Variants in ZNF480 observed in about 807,000 individuals in gnomAD.
ZNF480 encodes the protein zinc finger protein 480.
In ZNF480, 15 loss-of-function variants were observed where a neutral mutation model predicts 14.4. The ratio of observed to expected loss-of-function variants is 1.04; its 90% CI spans 0.70 to 1.60. The LOEUF (loss-of-function observed/expected upper bound fraction) is 1.60. Among genes scored for constraint, ZNF480 ranks in the 40% most tolerant of loss-of-function variants. The probability of loss-of-function intolerance (pLI) is 0.00; values close to 1 mark genes in which losing one functional copy is unlikely to be tolerated. For missense variants in ZNF480, 593 were observed against 629.7 expected, an observed-to-expected ratio of 0.94 and a Z score of 0.62; for synonymous variants, 218 against 215.5, an observed-to-expected ratio of 1.01 and a Z score of -0.10.
At chr19:52,314,410 C>A in intron 3 of ZNF480, 131 bp downstream of exon 3, 1 of 814,568 alleles carries the variant, frequency 1.2e-6, no homozygotes, top group Non-Finnish European at 1.6e-6. Flanking sequence ...ACCTGGGAGG[C>A]AGAGGTTTTG....
At position 52,300,578 on chromosome 19, in the gene ZNF480, T is replaced by C. The variant is rs1020926421; in HGVS notation, c.72+94T>C. 3.1e-6 allele frequency: 5 copies of C among 1,587,972 alleles called. No individual in the cohort carries two copies. In the African/African-American group the frequency reaches 6.7e-5, roughly 21 times the overall value. ...AGTCTTCTCTGAGTCTGAAGTGTCC[T>C]GCCTGACAGGTTTGCTCACGCTTAC... On this transcript the variant is annotated intron_variant, in intron 2 of 4. Coordinates refer to ENST00000595962, the MANE Select transcript of ZNF480 (RefSeq NM_144684.4).
rs766936668 is a variant in ZNF480 at position 52,321,820 on chromosome 19, C to T, written c.570C>T (p.Leu190=). 2 of 1,613,860 alleles carry T rather than the reference C, an allele frequency of 1.2e-6. No individual in the cohort carries two copies. The highest frequency in any genetic ancestry group is 1.7e-6 in the Non-Finnish European group (2 of 1,179,896). ...NRNDFDDSSF[L]PQEQKVHLRE... ...ATGATTTTGATGATTCTTCATTTCT[C>T]CCACAAGAACAGAAAGTACACCTTA... Residue 190 remains leucine, a synonymous_variant, in exon 5 of 5, where the codon CTC becomes CTT. Transcript: ENST00000595962.
intron 3 of ZNF480, 135 bp downstream of exon 3, chr19:52,314,414 G>GATTGCA: frequency 1.4e-6 from 1 of 725,280 alleles, no homozygotes; most frequent in Non-Finnish European, 1.8e-6. Context: ...GGGAGGCAGA[G>GATTGCA]GTTTTGGTGA....
At chr19:52,300,926 T>C (rs1238433294) in intron 2 of ZNF480, 2 of 189,604 alleles carry the variant, frequency 1.1e-5, no homozygotes, top group Non-Finnish European at 1.1e-5. Flanking sequence ...ACTCATGCTA[T>C]TGTTTGTGGT....
chr19:52,297,405 C>T, intron 1 of ZNF480, among the ~76,000 whole-genome samples, 182 bp downstream of exon 1: 1 of 151,674 alleles, frequency 6.6e-6, no homozygotes, highest in Non-Finnish European at 1.5e-5. Context: ...CGCTCGGCGG[C>T]GGGTCCTGTC....
intron 2 of ZNF480, chr19:52,308,802 T>C (rs1600215842): frequency 3.5e-5 from 1 of 28,310 alleles, no homozygotes; most frequent in African/African-American, 8.8e-5. Context: ...TTGGAGCAGA[T>C]TTTTTTTTTT....
At chr19:52,312,956 G>T (rs1983360309) in intron 2 of ZNF480, among the ~76,000 whole-genome samples, 1 of 151,922 alleles carries the variant, frequency 6.6e-6, no homozygotes, top group African/African-American at 2.4e-5. Context: ...GAGTAACTGG[G>T]ATTACAGGCA....
intron 1 of ZNF480, among the ~76,000 whole-genome samples, chr19:52,299,513 C>G (rs773303803): frequency 6.6e-6 from 1 of 152,178 alleles, no homozygotes; most frequent in Non-Finnish European, 1.5e-5. Flanking sequence ...ATTCCCTTGA[C>G]CCTTTGCTCA....
At chr19:52,310,389 A>C (rs1013637146) in intron 2 of ZNF480, among the ~76,000 whole-genome samples, 1 of 152,180 alleles carries the variant, frequency 6.6e-6, no homozygotes, top group African/African-American at 2.4e-5. Context: ...AATATGTTAA[A>C]ATGACATTCT....
chr19:52,322,481 C>G lies in ZNF480; in HGVS notation c.1231C>G (p.Leu411Val), dbSNP rs1004498046. The stretch of plus-strand genomic sequence containing the variant: ...TGAATGTGGAAAAGTATTTAATCAA[C>G]TTTCAAATCTTGCACGACATCGAAG... ...CNECGKVFNQ[L>V]SNLARHRRIH... The change falls in exon 5 of 5, where the codon CTT becomes GTT. Residue 411 changes from leucine (L) to valine (V), a missense_variant. Coordinates refer to ENST00000595962, the MANE Select transcript of ZNF480 (RefSeq NM_144684.4). 3 of 1,612,558 alleles carry G rather than the reference C, an allele frequency of 1.9e-6. No homozygotes were observed. The highest frequency in any genetic ancestry group is 1.3e-5 in the African/African-American group (1 of 74,526).
At position 52,303,379 on chromosome 19, in the gene ZNF480, A is replaced by G. The variant is rs533136386; in HGVS notation, c.72+2895A>G. On this transcript the variant is annotated intron_variant, in intron 2 of 4. Transcript: ENST00000595962. Reference sequence around the variant, plus strand: ...AATCAGCTAAGTGGTTTTGCTAAGTAAGATGATTTATAAAGGATTGTTGTA... The same window carrying G: ...AATCAGCTAAGTGGTTTTGCTAAGTGAGATGATTTATAAAGGATTGTTGTA... 1.1e-3 allele frequency among the ~76,000 whole-genome samples: 174 copies of G among 152,322 alleles called. 3 individuals carry two copies. The South Asian group carries it at 0.012, about 11-fold the overall frequency.
In ZNF480 at chr19:52,323,565, A is replaced by G. The variant is rs1983951463; in HGVS notation, c.*707A>G. Reference sequence around the variant, plus strand: ...AAAATCCTCAGCAAAATACTAGTAAACCAAATCCATCTGCACATCAAAAAG... The same window carrying G: ...AAAATCCTCAGCAAAATACTAGTAAGCCAAATCCATCTGCACATCAAAAAG... On this transcript the variant is annotated 3_prime_UTR_variant, in exon 5 of 5. Transcript: ENST00000595962. 6.6e-6 allele frequency: 1 copy of G among 152,122 alleles called. No individual in the cohort carries two copies. The highest frequency in any genetic ancestry group is 1.5e-5 in the Non-Finnish European group (1 of 68,020). The allele number at this position is 152,122 out of a possible 1,614,324, so 9.4% of individuals were successfully genotyped here.
intron 2 of ZNF480, among the ~76,000 whole-genome samples, chr19:52,305,572 C>T (rs1982891378): frequency 6.6e-6 from 1 of 152,202 alleles, no homozygotes; most frequent in Non-Finnish European, 1.5e-5. Context: ...ATGACTCCTG[C>T]ATGTACTTGC....
At chr19:52,302,953 T>TA (rs1425499657) in intron 2 of ZNF480, among the ~76,000 whole-genome samples, 2 of 152,224 alleles carry the variant, frequency 1.3e-5, no homozygotes, top group Non-Finnish European at 2.9e-5. Flanking sequence ...TGAGCTCTAA[T>TA]ATGAGTAATG....
intron 4 of ZNF480, among the ~76,000 whole-genome samples, chr19:52,318,988 C>T (rs1172435244): frequency 2.0e-5 from 3 of 151,852 alleles, no homozygotes; most frequent in Admixed American, 6.6e-5. Flanking sequence ...CTCAGCCTCC[C>T]GAGTAGCTGG....
chr19:52,298,131 T>C (rs1482442776), intron 1 of ZNF480, among the ~76,000 whole-genome samples: 1 of 122,236 alleles, frequency 8.2e-6, no homozygotes, highest in East Asian at 2.4e-4. Context: ...AGTTTGAGAG[T>C]GGGGGAGAGG....
Position 52,315,936 on chromosome 19 carries a change from G to A in ZNF480, c.302G>A (p.Arg101Lys). ...EVKIAKNSDG[R>K]ECIKGVNTGS... The stretch of plus-strand genomic sequence containing the variant: ...AAAATAGCAAAAAATTCAGATGGGA[G>A]GGAGTGCATCAAAGGTGTGAACACA... Residue 101 changes from arginine (R) to lysine (K), a missense_variant, in exon 4 of 5, where the codon AGG (arginine) becomes AAG (lysine). Arg to Lys is a conservative substitution (Grantham distance 26). Transcript: ENST00000595962. 6.2e-7 allele frequency: 1 copy of A among 1,612,334 alleles called. No homozygotes were observed. Among genetic ancestry groups the A allele is most frequent in the Non-Finnish European group, 8.5e-7 (1 of 1,178,818 alleles).
intron 2 of ZNF480, chr19:52,300,757 C>A (rs1982653968): frequency 9.9e-6 from 5 of 502,648 alleles, no homozygotes; most frequent in Admixed American, 3.3e-5. Context: ...AGGGTTTGAC[C>A]CACATATTTA....
intron 4 of ZNF480, among the ~76,000 whole-genome samples, chr19:52,319,274 G>C (rs1213974372): frequency 6.6e-6 from 1 of 152,094 alleles, no homozygotes; most frequent in African/African-American, 2.4e-5. Context: ...TGTTGGACAG[G>C]TCTAGAGTAG....
Sources: allele counts gnomAD v4.1 joint callset (sites outside exome capture counted in the v4.1 genomes callset), GRCh38; gene constraint gnomAD v4.1.1; transcripts MANE v1.5; gene names NCBI Gene and HGNC (gene_info 2026-07-23, HGNC 2026-07-21).